Variants in PARD3B observed in about 807,000 individuals in gnomAD.
PARD3B encodes par-3 family cell polarity regulator beta.
A neutral mutation model predicts 130.2 loss-of-function variants in PARD3B; 103 were observed. That is an observed-to-expected ratio of 0.79 (90% CI 0.67 to 0.93). PARD3B has a LOEUF of 0.93. Among genes scored for constraint, PARD3B ranks in the 40% least tolerant of loss-of-function variants. The pLI, the probability that PARD3B is intolerant of heterozygous loss-of-function variation, is 0.00. For synonymous variants in PARD3B, 583 were observed against 553.2 expected, an observed-to-expected ratio of 1.05 and a Z score of -0.76; for missense variants, 1,609 against 1,499.2, an observed-to-expected ratio of 1.07 and a Z score of -1.21.
chr2:204,837,929 G>C (rs531030151), intron 2 of PARD3B, among the ~76,000 whole-genome samples: 1 of 152,098 alleles, frequency 6.6e-6, no homozygotes, highest in Non-Finnish European at 1.5e-5. Flanking sequence ...CCCACCCCCA[G>C]TTTGGTTCAT....
rs1444946874 is a variant in PARD3B at position 205,417,073 on chromosome 2, T to TC, written c.2741+15956dup. On this transcript the variant is annotated intron_variant, in intron 19 of 22. Coordinates refer to ENST00000406610, the MANE Select transcript of PARD3B (RefSeq NM_001302769.2). The stretch of plus-strand genomic sequence containing the variant: ...TAGGTGTATCTCCTAATGCTATCCC[T>TC]CCCCCCTCCCCCCACCCCCCGGCAG... 4.7e-4 allele frequency among the ~76,000 whole-genome samples: 38 copies of TC among 80,828 alleles called. 1 individual carries two copies. Among genetic ancestry groups the TC allele is most frequent in the Middle Eastern group, 6.8e-3 (1 of 148 alleles). The allele number at this position is 80,828 out of a possible 152,430, so 53.0% of individuals were successfully genotyped here.
chr2:205,262,851 C>T lies in PARD3B; in HGVS notation c.2185+17029C>T, dbSNP rs540232298. Reference sequence around the variant, plus strand: ...TCCATTTATTGCTTTACATTTTATTCTCAGGTGCTGACAAATAATTTTTCT... The same window carrying T: ...TCCATTTATTGCTTTACATTTTATTTTCAGGTGCTGACAAATAATTTTTCT... On this transcript the variant is annotated intron_variant, in intron 16 of 22. Transcript: ENST00000406610. 3.3e-5 allele frequency among the ~76,000 whole-genome samples: 5 copies of T among 152,182 alleles called. No homozygotes were observed. The East Asian group carries it at 9.7e-4, about 29-fold the overall frequency.
chr2:204,681,859 A>G (rs575243191), intron 1 of PARD3B, among the ~76,000 whole-genome samples: 2 of 152,146 alleles, frequency 1.3e-5, no homozygotes, highest in African/African-American at 2.4e-5. Flanking sequence ...GTGCAAGTAC[A>G]TTTTTGTAAT....
At chr2:205,381,193 A>G (rs1196750458) in intron 18 of PARD3B, among the ~76,000 whole-genome samples, 1 of 120,934 alleles carries the variant, frequency 8.3e-6, no homozygotes, top group Non-Finnish European at 1.6e-5. Flanking sequence ...AAGAATATAT[A>G]TTATATATAA....
chr2:205,241,495 A>T lies in PARD3B; in HGVS notation c.2141-4283A>T, dbSNP rs1400946654. 6.6e-6 allele frequency among the ~76,000 whole-genome samples: 1 copy of T among 152,196 alleles called. No individual in the cohort carries two copies. The highest frequency in any genetic ancestry group is 1.5e-5 in the Non-Finnish European group (1 of 68,008). Reference sequence around the variant, plus strand: ...TCTTCAATTATTGTAATATCCATTTACGATAATCAAGAGCAAGTAGTACCA... The same window carrying T: ...TCTTCAATTATTGTAATATCCATTTTCGATAATCAAGAGCAAGTAGTACCA... On this transcript the variant is annotated intron_variant, in intron 15 of 22. Transcript: ENST00000406610. This position sits in a 1 kb window ranked among gnomAD's most constrained non-coding sequence, Gnocchi z 4.2.
At chr2:204,964,091 C>T (rs1263986913) in intron 2 of PARD3B, among the ~76,000 whole-genome samples, 1 of 152,146 alleles carries the variant, frequency 6.6e-6, no homozygotes, top group Non-Finnish European at 1.5e-5. Context: ...TGAATAAATG[C>T]TTGAATCATA....
chr2:205,077,136 C>G (rs556004436), intron 4 of PARD3B, among the ~76,000 whole-genome samples: 1 of 152,148 alleles, frequency 6.6e-6, no homozygotes, highest in South Asian at 2.1e-4. Flanking sequence ...ATATATATCT[C>G]TCTCAAGATT....
chr2:205,354,685 A>G lies in PARD3B; in HGVS notation c.2631-46328A>G, dbSNP rs561192402. Among the ~76,000 whole-genome samples the G allele has an allele frequency of 3.3e-5, 5 of 152,300 alleles. No individual in the cohort carries two copies. In the South Asian group the frequency reaches 1.0e-3, roughly 32 times the overall value. ...CTTCTGATGCTGTGAGAGTGAACTG[A>G]TATTTCCAAGAAAGGTGTATCCCAG... On this transcript the variant is annotated intron_variant, in intron 18 of 22. Transcript: ENST00000406610.
chr2:205,363,959 A>C (rs1028643768), intron 18 of PARD3B, among the ~76,000 whole-genome samples: 1 of 144,218 alleles, frequency 6.9e-6, no homozygotes, highest in Non-Finnish European at 1.5e-5. Context: ...GAACCACCGC[A>C]CCCAGTCTCT....
chr2:204,734,664 A>G (rs1420572536), intron 2 of PARD3B, among the ~76,000 whole-genome samples: 5 of 152,194 alleles, frequency 3.3e-5, no homozygotes, highest in Non-Finnish European at 1.5e-5. Flanking sequence ...ACTGTATACT[A>G]TAATATGATT....
intron 20 of PARD3B, among the ~76,000 whole-genome samples, chr2:205,478,824 A>G (rs925815433): frequency 6.6e-6 from 1 of 152,230 alleles, no homozygotes; most frequent in Non-Finnish European, 1.5e-5. Context: ...AGAAATGTGC[A>G]TGCTATATTT....
chr2:204,989,737 T>A (rs116752125), intron 3 of PARD3B, among the ~76,000 whole-genome samples: 1 of 152,156 alleles, frequency 6.6e-6, no homozygotes, highest in Non-Finnish European at 1.5e-5. Flanking sequence ...TACCTTTTTC[T>A]CCTTAATATT....
At chr2:204,671,330 C>T (rs987041516) in intron 1 of PARD3B, among the ~76,000 whole-genome samples, 1 of 152,124 alleles carries the variant, frequency 6.6e-6, no homozygotes, top group African/African-American at 2.4e-5. Context: ...GATAATATCT[C>T]TTGCCTCTCG....
chr2:204,755,859 C>A (rs2040646443), intron 2 of PARD3B, among the ~76,000 whole-genome samples: 1 of 152,008 alleles, frequency 6.6e-6, no homozygotes, highest in Non-Finnish European at 1.5e-5. Flanking sequence ...CCCTGTGTTA[C>A]ATGAAAAGGA....
At chr2:204,820,125 C>T (rs1030125992) in intron 2 of PARD3B, among the ~76,000 whole-genome samples, 12 of 135,826 alleles carry the variant, frequency 8.8e-5, no homozygotes, top group Non-Finnish European at 1.2e-4. Context: ...GCCCAGGCTG[C>T]GGTGCAATGG....
At chr2:205,324,613 C>T (rs145333342) in intron 18 of PARD3B, among the ~76,000 whole-genome samples, 12 of 152,224 alleles carry the variant, frequency 7.9e-5, no homozygotes, top group Non-Finnish European at 1.5e-4. Flanking sequence ...TCCTTCTTGA[C>T]ACTATTCCAG....
intron 1 of PARD3B, among the ~76,000 whole-genome samples, chr2:204,604,768 C>T (rs1247614282): frequency 6.6e-6 from 1 of 152,142 alleles, no homozygotes; most frequent in African/African-American, 2.4e-5. Flanking sequence ...CCTTCTACTC[C>T]AGCATAGCAA....
chr2:205,202,920 G>T (rs1366965274), intron 15 of PARD3B, among the ~76,000 whole-genome samples: 1 of 152,084 alleles, frequency 6.6e-6, no homozygotes, highest in Non-Finnish European at 1.5e-5. Flanking sequence ...ATTATGAAAT[G>T]CTGGGAGAAA....
intron 21 of PARD3B, among the ~76,000 whole-genome samples, chr2:205,551,547 C>T (rs895904023): frequency 6.6e-6 from 1 of 152,128 alleles, no homozygotes; most frequent in Admixed American, 6.5e-5. Flanking sequence ...CAGATAACCC[C>T]AGTGTCTCCT....
Sources: allele counts gnomAD v4.1 joint callset (sites outside exome capture counted in the v4.1 genomes callset), GRCh38; gene constraint gnomAD v4.1.1; non-coding constraint Gnocchi (gnomAD v3.1); transcripts MANE v1.5; gene names NCBI Gene and HGNC (gene_info 2026-07-23, HGNC 2026-07-21).